The following ROCK1 variants were observed in gnomAD, a reference collection of about 807,000 sequenced individuals.
ROCK1 encodes Rho associated coiled-coil containing protein kinase 1, also known as rho-associated protein kinase 1.
A neutral mutation model predicts 196.8 loss-of-function variants in ROCK1; 36 were observed. The observed-to-expected ratio is 0.18, with a 90% CI of 0.14 to 0.24. The LOEUF (loss-of-function observed/expected upper bound fraction) is 0.24, where lower values mean the gene tolerates loss of function less well. Among genes scored for constraint, ROCK1 ranks in the 10% least tolerant of loss-of-function variants. ROCK1 has a pLI of 1.00. For synonymous variants in ROCK1, 443 were observed against 515.9 expected (o/e 0.86, Z 1.91); for missense variants, 920 against 1,562.0 (o/e 0.59, Z 6.93).
chr18:20,975,105 G>C (rs1158817819), intron 22 of ROCK1, among the ~76,000 whole-genome samples: 2 of 152,154 alleles, frequency 1.3e-5, no homozygotes, highest in African/African-American at 4.8e-5. Flanking sequence ...TTTGTTTCTA[G>C]CGGAAAAACA....
intron 2 of ROCK1, among the ~76,000 whole-genome samples, chr18:21,054,540 C>T (rs1179712388): frequency 3.9e-5 from 6 of 151,976 alleles, no homozygotes; most frequent in African/African-American, 1.2e-4. Flanking sequence ...TCCCCCACAT[C>T]CCCACCCCTA....
chr18:21,043,133 T>C (rs2036122093), intron 6 of ROCK1, among the ~76,000 whole-genome samples: 1 of 152,156 alleles, frequency 6.6e-6, no homozygotes, highest in African/African-American at 2.4e-5. Context: ...GTTCATAGGA[T>C]AGGGCATTTT....
chr18:21,086,821 A>G (rs2036532214), intron 1 of ROCK1, among the ~76,000 whole-genome samples: 1 of 152,262 alleles, frequency 6.6e-6, no homozygotes, highest in Non-Finnish European at 1.5e-5. Flanking sequence ...ATTTGTCACA[A>G]GCAGACATTC....
At chr18:21,034,900 T>G (rs1021936877) in intron 9 of ROCK1, among the ~76,000 whole-genome samples, 1 of 152,084 alleles carries the variant, frequency 6.6e-6, no homozygotes, top group African/African-American at 2.4e-5. Context: ...ATCCAAAATT[T>G]TTAAAGAACT....
chr18:21,002,800 G>A (rs2035736653), intron 16 of ROCK1, among the ~76,000 whole-genome samples: 1 of 152,162 alleles, frequency 6.6e-6, no homozygotes, highest in South Asian at 2.1e-4. Context: ...GAAGTACAGT[G>A]GCACGATTTC....
chr18:21,061,221 G>A (rs558029366), intron 2 of ROCK1, among the ~76,000 whole-genome samples: 2 of 151,864 alleles, frequency 1.3e-5, no homozygotes, highest in East Asian at 3.9e-4. Flanking sequence ...TGGAATTATA[G>A]GCACCTGCCA....
intron 1 of ROCK1, among the ~76,000 whole-genome samples, chr18:21,081,771 T>C (rs1004161863): frequency 1.3e-5 from 2 of 152,106 alleles, no homozygotes; most frequent in African/African-American, 2.4e-5. Flanking sequence ...AATGGACAAA[T>C]TCCTAGAAGC....
In ROCK1 at chr18:20,979,952, T is replaced by G. The variant is rs767267219; in HGVS notation, c.2612A>C (p.Asn871Thr). Residue 871 changes from asparagine (N) to threonine (T), a missense_variant, in exon 22 of 33, where the codon AAC becomes ACC. Physicochemically the swap from Asn to Thr is moderately conservative, Grantham distance 65. Around this residue, in one of 6 missense-constraint regions of ROCK1, gnomAD observed 520 missense variants for 657.1 expected, o/e 0.79. Transcript: ENST00000399799. ...KELKEEIEEK[N>T]RENLKKIQEL... Reference sequence around the variant, plus strand: ...CTGTATTTTCTTTAAATTTTCTCTGTTTTTTTCTTCAATTTCTTCTTTAAG... The same window carrying G: ...CTGTATTTTCTTTAAATTTTCTCTGGTTTTTTCTTCAATTTCTTCTTTAAG... 1 of 1,548,668 alleles carries G rather than the reference T, an allele frequency of 6.5e-7. No individual in the cohort carries two copies. Among genetic ancestry groups the G allele is most frequent in the Admixed American group, 2.0e-5 (1 of 49,880 alleles).
At chr18:20,952,241 C>G (rs2035195730) in intron 32 of ROCK1, among the ~76,000 whole-genome samples, 1 of 151,672 alleles carries the variant, frequency 6.6e-6, no homozygotes, top group African/African-American at 2.4e-5. Flanking sequence ...AATTAGCAGG[C>G]CGTGGTGGCA....
At chr18:21,010,552 T>C (rs1291275169) in intron 13 of ROCK1, among the ~76,000 whole-genome samples, 2 of 152,252 alleles carry the variant, frequency 1.3e-5, no homozygotes, top group Non-Finnish European at 2.9e-5. Context: ...CAGATTTTTC[T>C]GTTATTCTCA....
At chr18:21,090,189 C>T (rs1180117897) in intron 1 of ROCK1, among the ~76,000 whole-genome samples, 1 of 152,220 alleles carries the variant, frequency 6.6e-6, no homozygotes, top group Admixed American at 6.5e-5. Flanking sequence ...CAAATGTTGA[C>T]ACATTTCATC....
Position 21,044,196 on chromosome 18 carries a change from G to A in ROCK1, c.591-10C>T. 6.3e-7 allele frequency: 1 copy of A among 1,588,336 alleles called. No homozygotes were observed. Among genetic ancestry groups the A allele is most frequent in the Non-Finnish European group, 8.6e-7 (1 of 1,163,436 alleles). ...ATCAGGCTTCACATCTCTGCAGGAG[G>A]GAAAAAATAGTACAGTATTTTCTGA... On this transcript the variant is annotated splice_polypyrimidine_tract_variant and intron_variant, in intron 5 of 32. Coordinates refer to ENST00000399799, the MANE Select transcript of ROCK1 (RefSeq NM_005406.3).
At chr18:21,108,663 A>G (rs1431957915) in intron 1 of ROCK1, among the ~76,000 whole-genome samples, 1 of 152,146 alleles carries the variant, frequency 6.6e-6, no homozygotes, top group Non-Finnish European at 1.5e-5. Context: ...CCCTGCCAAT[A>G]AAGTTCCATT....
chr18:21,046,111 C>T (rs1257608388), intron 4 of ROCK1, among the ~76,000 whole-genome samples: 5 of 151,814 alleles, frequency 3.3e-5, no homozygotes, highest in Admixed American at 6.6e-5. Flanking sequence ...GGGGTTTCAC[C>T]GTGTTAGCCA....
At chr18:21,085,531 T>G (rs184839320) in intron 1 of ROCK1, among the ~76,000 whole-genome samples, 1 of 152,124 alleles carries the variant, frequency 6.6e-6, no homozygotes, top group Middle Eastern at 3.4e-3. Context: ...GACTAGAAGT[T>G]TGCATGATTT....
At chr18:21,061,401 G>GA (rs934435213) in intron 2 of ROCK1, among the ~76,000 whole-genome samples, 4 of 151,810 alleles carry the variant, frequency 2.6e-5, no homozygotes, top group African/African-American at 9.7e-5. Flanking sequence ...TTTGCTAAGT[G>GA]AAAAAAAGAC....
intron 4 of ROCK1, among the ~76,000 whole-genome samples, chr18:21,046,195 C>T (rs1342137409): frequency 6.6e-6 from 1 of 152,128 alleles, no homozygotes; most frequent in Non-Finnish European, 1.5e-5. Flanking sequence ...CAGGCATGAG[C>T]CACTGCGCCC....
At chr18:21,007,887 T>G (rs772564040) in intron 14 of ROCK1, among the ~76,000 whole-genome samples, 172 bp downstream of exon 14, 3 of 152,178 alleles carry the variant, frequency 2.0e-5, no homozygotes, top group Non-Finnish European at 2.9e-5. Flanking sequence ...AATTTAATAT[T>G]TAATTTAATT....
chr18:20,971,933 G>A (rs1250877848), intron 22 of ROCK1, among the ~76,000 whole-genome samples: 1 of 152,026 alleles, frequency 6.6e-6, no homozygotes, highest in South Asian at 2.1e-4. Flanking sequence ...AGGGGGAAGA[G>A]AACAACAGAT....
Sources: allele counts gnomAD v4.1 joint callset (sites outside exome capture counted in the v4.1 genomes callset), GRCh38; gene constraint gnomAD v4.1.1; regional missense constraint gnomAD v4.1.1; transcripts MANE v1.5; gene names NCBI Gene and HGNC (gene_info 2026-07-23, HGNC 2026-07-21).